Variants in DNAAF19 observed in about 807,000 individuals in gnomAD.
DNAAF19 encodes the protein dynein axonemal assembly factor 19, also known as coiled-coil domain containing 103.
the DNAAF19 span, chr17:44,905,067 C>G: frequency 1.5e-5 from 23 of 1,535,318 alleles, no homozygotes; most frequent in South Asian, 2.4e-4. Context: ...AGCTTCTCCC[C>G]CTAGGAGCTC....
the DNAAF19 span, chr17:44,901,691 C>A: frequency 1.2e-6 from 2 of 1,604,530 alleles, no homozygotes; most frequent in African/African-American, 1.3e-5. Context: ...GCAGGATTCT[C>A]TGCCCTAAAG....
chr17:44,901,773 G>C, the DNAAF19 span: 1 of 1,184,486 alleles, frequency 8.4e-7, no homozygotes, highest in East Asian at 2.5e-5. Context: ...TTCTTTATTT[G>C]TCATGTTAAA....
At chr17:44,900,404 G>A in the DNAAF19 span, among the ~76,000 whole-genome samples, 1 of 152,110 alleles carries the variant, frequency 6.6e-6, no homozygotes, top group Non-Finnish European at 1.5e-5. Context: ...AGGGACCTCT[G>A]TTCCAGCCCT....
chr17:44,901,719 C>T, the DNAAF19 span: 3,748 of 1,562,216 alleles, frequency 2.4e-3, 92 homozygotes, highest in African/African-American at 0.045. Flanking sequence ...CCTGTTTTTT[C>T]ATTTTGTTTT....
At chr17:44,905,335 G>A in the DNAAF19 span, 1 of 483,984 alleles carries the variant, frequency 2.1e-6, no homozygotes, top group East Asian at 3.8e-5. Context: ...GGTCAGAGAA[G>A]GAAAGTGTGA....
chr17:44,902,631 C>G, the DNAAF19 span: 2 of 1,614,178 alleles, frequency 1.2e-6, no homozygotes, highest in South Asian at 2.2e-5. Flanking sequence ...TGAACCTAAG[C>G]CTGCTGAGCC....
chr17:44,904,985 C>G, the DNAAF19 span: 2 of 1,550,800 alleles, frequency 1.3e-6, no homozygotes, highest in Middle Eastern at 1.7e-4. Context: ...GATAGGCTAC[C>G]TGCTCATCAC....
At chr17:44,900,995 G>A in the DNAAF19 span, 2 of 1,601,876 alleles carry the variant, frequency 1.2e-6, no homozygotes, top group African/African-American at 1.3e-5. Flanking sequence ...CCCAGGCACA[G>A]GCCATGGAAA....
the DNAAF19 span, chr17:44,905,009 A>G: frequency 6.4e-7 from 1 of 1,550,662 alleles, no homozygotes; most frequent in Non-Finnish European, 8.7e-7. Context: ...AGTCTTTGTC[A>G]CCATTCACTT....
At chr17:44,903,302 C>T in the DNAAF19 span, 2 of 1,245,132 alleles carry the variant, frequency 1.6e-6, no homozygotes, top group Admixed American at 3.8e-5. Context: ...GTTGAATTTT[C>T]CCCTAGAGAC....
chr17:44,903,366 C>T, the DNAAF19 span: 1 of 1,249,436 alleles, frequency 8.0e-7, no homozygotes, highest in Non-Finnish European at 1.0e-6. Context: ...AGCTCAGGTC[C>T]AGCCAGCCTC....
the DNAAF19 span, among the ~76,000 whole-genome samples, chr17:44,901,965 C>T: frequency 6.6e-6 from 1 of 152,082 alleles, no homozygotes; most frequent in African/African-American, 2.4e-5. Context: ...TGTATGGTGT[C>T]TAGTGTAATG....
the DNAAF19 span, chr17:44,904,534 G>A: frequency 1.5e-5 from 24 of 1,550,404 alleles, no homozygotes; most frequent in Middle Eastern, 1.7e-4. Context: ...CTGAGGTGCT[G>A]GTTCGGAGCT....
At chr17:44,902,838 G>A in the DNAAF19 span, 3 of 1,504,802 alleles carry the variant, frequency 2.0e-6, no homozygotes, top group South Asian at 3.8e-5. Flanking sequence ...TACCCTCAGA[G>A]GTCCCAGTGG....
At chr17:44,904,679 G>C in the DNAAF19 span, 1 of 1,550,576 alleles carries the variant, frequency 6.4e-7, no homozygotes, top group Non-Finnish European at 8.7e-7. Context: ...ACTGGGCCAT[G>C]GACTCATCAT....
At chr17:44,903,486 C>T in the DNAAF19 span, 2 of 1,273,886 alleles carry the variant, frequency 1.6e-6, no homozygotes, top group Non-Finnish European at 2.0e-6. Flanking sequence ...GCAGAGATCT[C>T]CCTGCCCGAG....
chr17:44,904,368 G>T, the DNAAF19 span: 2 of 1,543,276 alleles, frequency 1.3e-6, no homozygotes, highest in South Asian at 1.2e-5. Context: ...CCCTGTGACC[G>T]CTGCGGAGTG....
the DNAAF19 span, chr17:44,904,459 TGTG>T: frequency 1.7e-5 from 26 of 1,544,050 alleles, no homozygotes; most frequent in Non-Finnish European, 2.0e-5. Flanking sequence ...CCGTGCCCGA[TGTG>T]GTGTCTTGTG....
At chr17:44,904,524 C>T in the DNAAF19 span, 1 of 1,550,456 alleles carries the variant, frequency 6.4e-7, no homozygotes, top group Non-Finnish European at 8.7e-7. Flanking sequence ...GACCACACGC[C>T]TGAGGTGCTG....
Sources: allele counts gnomAD v4.1 joint callset (sites outside exome capture counted in the v4.1 genomes callset), GRCh38; gene constraint gnomAD v4.1.1; transcripts MANE v1.5; gene names NCBI Gene and HGNC (gene_info 2026-07-23, HGNC 2026-07-21).